The following CTNNA3 variants were observed in gnomAD, a reference collection of about 807,000 sequenced individuals.
CTNNA3 encodes catenin alpha 3.
A neutral mutation model predicts 95.7 loss-of-function variants in CTNNA3; 76 were observed. The ratio of observed to expected loss-of-function variants is 0.79; its 90% CI spans 0.66 to 0.96. The LOEUF (loss-of-function observed/expected upper bound fraction) is 0.96, where lower values mean the gene tolerates loss of function less well. CTNNA3 is among the 40% of genes least tolerant of loss of function. The pLI is 0.00. For synonymous variants in CTNNA3, 431 were observed against 374.4 expected (o/e 1.15, Z -1.74); for missense variants, 1,191 against 1,089.8 (o/e 1.09, Z -1.31).
intron 17 of CTNNA3, among the ~76,000 whole-genome samples, chr10:65,962,555 A>G (rs2077867156): frequency 6.6e-6 from 1 of 151,784 alleles, no homozygotes; most frequent in Non-Finnish European, 1.5e-5. Context: ...TCTCTCTTAG[A>G]CTAATTTTTT....
intron 5 of CTNNA3, among the ~76,000 whole-genome samples, chr10:67,268,012 T>TA (rs1866898464): frequency 6.6e-6 from 1 of 152,122 alleles, no homozygotes; most frequent in Non-Finnish European, 1.5e-5. Flanking sequence ...TGATAAAATT[T>TA]AAAAAATTAA....
intron 7 of CTNNA3, among the ~76,000 whole-genome samples, chr10:66,909,802 C>T (rs1846144220): frequency 6.6e-6 from 1 of 152,034 alleles, no homozygotes; most frequent in South Asian, 2.1e-4. Context: ...TACAGGTATT[C>T]CCAGAGAACC....
At chr10:65,962,112 A>T (rs2077857968) in intron 17 of CTNNA3, among the ~76,000 whole-genome samples, 1 of 152,144 alleles carries the variant, frequency 6.6e-6, no homozygotes. Flanking sequence ...TTGTGAAAAA[A>T]GTTGTTTCTG....
chr10:67,324,744 G>A (rs190802046), intron 5 of CTNNA3, among the ~76,000 whole-genome samples: 73 of 150,194 alleles, frequency 4.9e-4, no homozygotes, highest in African/African-American at 1.6e-3. Context: ...TCAGGATGAT[G>A]CTGGCCTCAT....
intron 5 of CTNNA3, among the ~76,000 whole-genome samples, chr10:67,416,340 G>C (rs941472689): frequency 9.9e-6 from 1 of 101,480 alleles, no homozygotes; most frequent in South Asian, 4.1e-4. Flanking sequence ...AGGCGTGGTG[G>C]CTCACGCCTG....
intron 9 of CTNNA3, among the ~76,000 whole-genome samples, chr10:66,658,971 G>A (rs547002117): frequency 6.6e-6 from 1 of 152,214 alleles, no homozygotes; most frequent in East Asian, 1.9e-4. Context: ...TTACAGGTGT[G>A]AGCCACCATA....
intron 13 of CTNNA3, among the ~76,000 whole-genome samples, chr10:66,209,788 G>A (rs185008760): frequency 6.6e-6 from 1 of 152,256 alleles, no homozygotes. Context: ...GTGTCCTCCG[G>A]AAAACTTTAG....
chr10:66,593,619 T>C (rs1843621696), intron 10 of CTNNA3, among the ~76,000 whole-genome samples: 1 of 152,146 alleles, frequency 6.6e-6, no homozygotes, highest in Admixed American at 6.5e-5. Flanking sequence ...TTAATTAGCA[T>C]ACAGAGCCGT....
intron 13 of CTNNA3, among the ~76,000 whole-genome samples, chr10:66,238,349 G>C (rs1036738717): frequency 4.6e-5 from 7 of 151,922 alleles, no homozygotes; most frequent in African/African-American, 1.7e-4. Context: ...TAATGTTATA[G>C]TGTCATCTTA....
chr10:67,299,617 T>C (rs1053061604), intron 5 of CTNNA3, among the ~76,000 whole-genome samples: 3 of 152,222 alleles, frequency 2.0e-5, no homozygotes, highest in African/African-American at 7.2e-5. Flanking sequence ...CATATGGGGT[T>C]TTAGTGCAGC....
chr10:66,658,250 C>T (rs1372787492), intron 9 of CTNNA3, among the ~76,000 whole-genome samples: 3 of 139,520 alleles, frequency 2.2e-5, no homozygotes, highest in Non-Finnish European at 4.9e-5. Flanking sequence ...CTCTCCCCCT[C>T]CCTCTCTCTC....
intron 5 of CTNNA3, among the ~76,000 whole-genome samples, chr10:67,475,230 G>A (rs2133038168): frequency 6.6e-6 from 1 of 152,212 alleles, no homozygotes. Context: ...AAAACTACAA[G>A]GATAGCAGAC....
intron 9 of CTNNA3, among the ~76,000 whole-genome samples, chr10:66,719,110 A>G (rs1278288327): frequency 6.6e-6 from 1 of 152,150 alleles, no homozygotes; most frequent in East Asian, 1.9e-4. Flanking sequence ...TCCTCAAGCC[A>G]ATTTAAGTGT....
intron 13 of CTNNA3, among the ~76,000 whole-genome samples, chr10:66,193,585 A>G (rs1414280300): frequency 6.6e-6 from 1 of 152,222 alleles, no homozygotes; most frequent in Admixed American, 6.5e-5. Context: ...TATCACTTAA[A>G]ATAAGCAATT....
intron 11 of CTNNA3, among the ~76,000 whole-genome samples, chr10:66,486,400 G>A (rs1356046486): frequency 1.3e-5 from 2 of 152,040 alleles, no homozygotes; most frequent in African/African-American, 4.8e-5. Context: ...AAATGAATGG[G>A]CATTTCTCAA....
At chr10:66,840,370 T>A (rs866754788) in intron 7 of CTNNA3, among the ~76,000 whole-genome samples, 481 of 74,638 alleles carry the variant, frequency 6.4e-3, no homozygotes, top group African/African-American at 0.034. Context: ...TCTCTCTCTC[T>A]CTCACACACA....
chr10:66,928,086 G>A, intron 7 of CTNNA3: 1 of 1,614,076 alleles, frequency 6.2e-7, no homozygotes, highest in Non-Finnish European at 8.5e-7. Context: ...CGAAGCATGA[G>A]AGCAAACCCC....
intron 14 of CTNNA3, among the ~76,000 whole-genome samples, chr10:66,093,355 T>A (rs2081281173): frequency 6.6e-6 from 1 of 152,106 alleles, no homozygotes; most frequent in African/African-American, 2.4e-5. Context: ...GTGAGTAAAC[T>A]GTCCTTTAGA....
At chr10:67,580,108 T>C (rs1020975283) in intron 3 of CTNNA3, among the ~76,000 whole-genome samples, 1 of 152,200 alleles carries the variant, frequency 6.6e-6, no homozygotes, top group Admixed American at 6.5e-5. Flanking sequence ...CTTTTGGTTT[T>C]TAACTCATGA....
Sources: gnomAD v4.1 joint callset for allele counts (sites outside exome capture counted in the v4.1 genomes callset) on GRCh38, gnomAD v4.1.1 for gene constraint, MANE v1.5 for transcripts, NCBI Gene and HGNC (gene_info 2026-07-23, HGNC 2026-07-21) for gene names.